PCCA: variants seen among roughly 807,000 people sequenced by gnomAD.
PCCA encodes propionyl-CoA carboxylase subunit alpha.
PCCA carries 74 observed loss-of-function variants against 101.3 expected under a neutral mutation model. The observed-to-expected ratio is 0.73, with a 90% confidence interval of 0.61 to 0.89. The LOEUF (loss-of-function observed/expected upper bound fraction) is 0.89. PCCA is among the 40% of genes least tolerant of loss of function. The pLI, the probability that PCCA is intolerant of heterozygous loss-of-function variation, is 0.00. For synonymous variants in PCCA, 294 were observed against 313.6 expected (o/e 0.94, Z 0.66); for missense variants, 891 against 907.0 (o/e 0.98, Z 0.23).
At chr13:100,357,759 A>T (rs540165711) in intron 18 of PCCA, among the ~76,000 whole-genome samples, 1 of 152,340 alleles carries the variant, frequency 6.6e-6, no homozygotes, top group Non-Finnish European at 1.5e-5. Context: ...TGCATGCATT[A>T]AGGCATGGCT....
intron 4 of PCCA, among the ~76,000 whole-genome samples, chr13:100,131,129 A>G (rs898254065): frequency 9.3e-5 from 14 of 151,034 alleles, no homozygotes; most frequent in Admixed American, 2.0e-4. Flanking sequence ...CTCTAAAGAG[A>G]AAAAAAAAGG....
chr13:100,412,188 A>G (rs2078093823), intron 19 of PCCA, among the ~76,000 whole-genome samples: 2 of 152,204 alleles, frequency 1.3e-5, no homozygotes, highest in African/African-American at 4.8e-5. Flanking sequence ...TTGATAGCAC[A>G]GTGCAGTCAA....
intron 6 of PCCA, among the ~76,000 whole-genome samples, chr13:100,174,066 C>G (rs7329820): frequency 0.032 from 4,834 of 152,078 alleles, 251 homozygotes; most frequent in African/African-American, 0.11. Flanking sequence ...TAATGATTCC[C>G]TTGTTTGGAG....
chr13:100,371,460 A>C (rs1016662863), intron 19 of PCCA, among the ~76,000 whole-genome samples: 8 of 152,194 alleles, frequency 5.3e-5, no homozygotes, highest in African/African-American at 1.9e-4. Flanking sequence ...TAGAAGACTT[A>C]ATATGGTTAA....
chr13:100,426,821 T>C (rs180774942), intron 20 of PCCA, among the ~76,000 whole-genome samples: 204 of 152,256 alleles, frequency 1.3e-3, no homozygotes, highest in African/African-American at 4.5e-3. Flanking sequence ...TTATATAATA[T>C]TATATCAGTA....
At chr13:100,418,833 CAAAA>C (rs5806159) in intron 19 of PCCA, among the ~76,000 whole-genome samples, 1 of 134,990 alleles carries the variant, frequency 7.4e-6, no homozygotes, top group African/African-American at 2.7e-5. Flanking sequence ...GACTCCACCT[CAAAA>C]AAAAAAAAGA....
chr13:100,369,971 C>G (rs960602987), intron 19 of PCCA, among the ~76,000 whole-genome samples: 3 of 150,900 alleles, frequency 2.0e-5, no homozygotes, highest in Non-Finnish European at 4.4e-5. Flanking sequence ...TGAGTCACCA[C>G]TGAAGCCTTA....
intron 10 of PCCA, among the ~76,000 whole-genome samples, chr13:100,267,632 T>G (rs2063031726): frequency 6.6e-6 from 1 of 152,190 alleles, no homozygotes; most frequent in Non-Finnish European, 1.5e-5. Flanking sequence ...GTAAACCTAA[T>G]ATATGTATTC....
At chr13:100,433,851 G>C (rs997049217) in intron 20 of PCCA, among the ~76,000 whole-genome samples, 1 of 152,204 alleles carries the variant, frequency 6.6e-6, no homozygotes, top group African/African-American at 2.4e-5. Context: ...AGGTTAACAA[G>C]AGAAAAGTAT....
At chr13:100,138,817 C>T (rs2051490889) in intron 4 of PCCA, among the ~76,000 whole-genome samples, 7 of 151,514 alleles carry the variant, frequency 4.6e-5, no homozygotes, top group Admixed American at 4.6e-4. Flanking sequence ...CGTCTGTAAT[C>T]CCAGCTACTT....
chr13:100,246,546 T>C (rs1227907283), intron 8 of PCCA, among the ~76,000 whole-genome samples: 1 of 152,144 alleles, frequency 6.6e-6, no homozygotes, highest in African/African-American at 2.4e-5. Context: ...CAGGCTGGTC[T>C]CAAATTCCTG....
Position 100,334,802 on chromosome 13 carries a change from A to G in PCCA, c.1540+4131A>G, listed in dbSNP as rs144901222. Among the ~76,000 whole-genome samples the G allele has an allele frequency of 3.6e-3, 543 of 152,324 alleles. 5 individuals are homozygous for G. Among genetic ancestry groups the G allele is most frequent in the African/African-American group, 0.013 (522 of 41,574 alleles). The stretch of plus-strand genomic sequence containing the variant: ...AGGGAAGATCCAAAAGATTTTACAC[A>G]TAAGTGCATACTAGGAGTTTCATGA... On this transcript the variant is annotated intron_variant, in intron 17 of 23. Coordinates refer to ENST00000376285, the MANE Select transcript of PCCA (RefSeq NM_000282.4).
chr13:100,310,932 A>G (rs1319506460), intron 16 of PCCA, among the ~76,000 whole-genome samples: 1 of 152,154 alleles, frequency 6.6e-6, no homozygotes, highest in Non-Finnish European at 1.5e-5. Context: ...TCCTGACGCC[A>G]TTTAATAATT....
At chr13:100,145,614 A>C (rs549056444) in intron 4 of PCCA, among the ~76,000 whole-genome samples, 1 of 152,274 alleles carries the variant, frequency 6.6e-6, no homozygotes, top group East Asian at 1.9e-4. Flanking sequence ...CTGTAATCCC[A>C]GCACTTTGGA....
chr13:100,248,253 C>A (rs191724348), intron 8 of PCCA, among the ~76,000 whole-genome samples: 1 of 151,090 alleles, frequency 6.6e-6, no homozygotes, highest in Non-Finnish European at 1.5e-5. Context: ...TTTGTTTGTT[C>A]CATTCTTTGG....
chr13:100,520,441 A>T (rs1359905173), intron 22 of PCCA, among the ~76,000 whole-genome samples: 2 of 152,008 alleles, frequency 1.3e-5, no homozygotes, highest in Non-Finnish European at 2.9e-5. Context: ...AGGTCAGGAG[A>T]TCGAGACCAC....
At chr13:100,311,244 A>G (rs1314651673) in intron 16 of PCCA, among the ~76,000 whole-genome samples, 4 of 151,384 alleles carry the variant, frequency 2.6e-5, no homozygotes, top group Admixed American at 6.6e-5. Flanking sequence ...ATGAAAAAAA[A>G]AATTTTTTTT....
At chr13:100,126,895 C>T (rs941988575) in intron 4 of PCCA, among the ~76,000 whole-genome samples, 4 of 152,140 alleles carry the variant, frequency 2.6e-5, no homozygotes, top group Non-Finnish European at 4.4e-5. Flanking sequence ...ATGGGTAATA[C>T]TCAGTGTTAA....
chr13:100,268,865 G>C (rs557634474), intron 11 of PCCA, 82 bp downstream of exon 11: 1 of 990,832 alleles, frequency 1.0e-6, no homozygotes, highest in African/African-American at 1.6e-5. Flanking sequence ...ATTCACTGAC[G>C]CATGCATTCA....
Sources: gnomAD v4.1 joint callset for allele counts (sites outside exome capture counted in the v4.1 genomes callset) on GRCh38, gnomAD v4.1.1 for gene constraint, MANE v1.5 for transcripts, NCBI Gene and HGNC (gene_info 2026-07-23, HGNC 2026-07-21) for gene names.